The following EVI5 variants were observed in gnomAD, a reference collection of about 807,000 sequenced individuals.
The protein encoded by EVI5 is ecotropic viral integration site 5.
In EVI5, 73 loss-of-function variants were observed where a neutral mutation model predicts 112.0. The ratio of observed to expected loss-of-function variants is 0.65; its 90% CI spans 0.54 to 0.79. The LOEUF (loss-of-function observed/expected upper bound fraction) is 0.79, where lower values mean the gene tolerates loss of function less well. EVI5 is among the 30% of genes least tolerant of loss of function. The pLI is 0.00. For missense variants in EVI5, 900 were observed against 968.8 expected, an observed-to-expected ratio of 0.93 and a Z score of 0.94; for synonymous variants, 305 against 319.9, an observed-to-expected ratio of 0.95 and a Z score of 0.50.
Position 92,773,147 on chromosome 1 carries a change from A to G in EVI5, c.-82+11689T>C, listed in dbSNP as rs529388545. On this transcript the variant is annotated intron_variant, in intron 1 of 19. Coordinates refer to ENST00000684568, the MANE Select transcript of EVI5 (RefSeq NM_001350197.2). Reference sequence around the variant, plus strand: ...CTTGAACCCAGGAGGCAGAGGTTGCAGTGAGCCGAGATCGTGCCATTGCAC... The same window carrying G: ...CTTGAACCCAGGAGGCAGAGGTTGCGGTGAGCCGAGATCGTGCCATTGCAC... Among the ~76,000 whole-genome samples, 3 of 148,364 alleles carry G rather than the reference A, an allele frequency of 2.0e-5. No individual in the cohort carries two copies. The South Asian group carries it at 6.7e-4, about 33-fold the overall frequency.
intron 18 of EVI5, among the ~76,000 whole-genome samples, chr1:92,596,060 A>T (rs1021039859): frequency 3.3e-5 from 5 of 152,194 alleles, no homozygotes; most frequent in African/African-American, 1.2e-4. Context: ...TAAAATGAAG[A>T]TATTAACAAT....
chr1:92,620,083 G>A (rs761382815), intron 16 of EVI5, among the ~76,000 whole-genome samples: 6 of 152,108 alleles, frequency 3.9e-5, no homozygotes, highest in South Asian at 2.1e-4. Context: ...GCTGGCTCAC[G>A]CCTATAATCC....
At chr1:92,765,065 C>A (rs1002165047) in intron 1 of EVI5, among the ~76,000 whole-genome samples, 1 of 151,984 alleles carries the variant, frequency 6.6e-6, no homozygotes, top group Non-Finnish European at 1.5e-5. Context: ...TATAATCCTC[C>A]ATATTAACAT....
intron 18 of EVI5, among the ~76,000 whole-genome samples, chr1:92,574,669 T>G (rs567571766): frequency 1.3e-5 from 2 of 152,308 alleles, no homozygotes; most frequent in East Asian, 1.9e-4. Flanking sequence ...AGGCTCATTT[T>G]TAAAGAGAAG....
intron 14 of EVI5, among the ~76,000 whole-genome samples, chr1:92,633,724 G>A (rs556938517): frequency 0.013 from 1,930 of 152,284 alleles, 38 homozygotes; most frequent in African/African-American, 0.043. Flanking sequence ...TATGATGTTA[G>A]CTGATAACGA....
intron 13 of EVI5, among the ~76,000 whole-genome samples, chr1:92,658,577 C>T (rs527780584): frequency 1.3e-5 from 2 of 152,046 alleles, no homozygotes; most frequent in East Asian, 1.9e-4. Flanking sequence ...AAATAAATTG[C>T]GGATGACACC....
intron 10 of EVI5, among the ~76,000 whole-genome samples, chr1:92,668,839 G>C (rs890804363): frequency 3.3e-5 from 5 of 152,006 alleles, no homozygotes; most frequent in African/African-American, 1.2e-4. Context: ...GGTAATTATA[G>C]CTTTGCTATC....
At chr1:92,706,649 T>C (rs918417141) in intron 2 of EVI5, among the ~76,000 whole-genome samples, 1 of 152,184 alleles carries the variant, frequency 6.6e-6, no homozygotes, top group African/African-American at 2.4e-5. Context: ...ACTTCTAGGA[T>C]AGGCACAAAT....
At chr1:92,614,057 A>G (rs1384144561) in intron 16 of EVI5, among the ~76,000 whole-genome samples, 2 of 152,220 alleles carry the variant, frequency 1.3e-5, no homozygotes, top group Non-Finnish European at 2.9e-5. Flanking sequence ...TACTCTAAAA[A>G]TAAGGTATTA....
chr1:92,789,532 G>A (rs1348318898), upstream of EVI5, among the ~76,000 whole-genome samples: 4 of 152,104 alleles, frequency 2.6e-5, no homozygotes, highest in Non-Finnish European at 5.9e-5. Context: ...TCAATCTCCT[G>A]ACCTTGTGAT....
chr1:92,694,475 T>C, intron 7 of EVI5, 87 bp from the exon 8 acceptor site: 1 of 750,340 alleles, frequency 1.3e-6, no homozygotes, highest in South Asian at 1.7e-5. Flanking sequence ...AAGGTAAACA[T>C]TTAGGGATCT....
Position 92,695,307 on chromosome 1 carries a change from T to C in EVI5, c.909+3A>G, listed in dbSNP as rs546385083. ...CCTGCTCTTTGTCTGCCCATTAGCT[T>C]ACCTCAGACATAAAGATATCAAATA... On this transcript the variant is annotated splice_donor_region_variant and intron_variant, in intron 7 of 19. Transcript: ENST00000684568. The C allele has an allele frequency of 6.2e-7, 1 of 1,605,244 alleles. No individual in the cohort carries two copies. The highest frequency in any genetic ancestry group is 1.3e-5 in the African/African-American group (1 of 74,744).
intron 19 of EVI5, among the ~76,000 whole-genome samples, chr1:92,516,910 T>G (rs1659992370): frequency 6.6e-6 from 1 of 151,768 alleles, no homozygotes; most frequent in Non-Finnish European, 1.5e-5. Context: ...AAAAAATCCT[T>G]ATGGGTATTA....
chr1:92,787,950 G>A (rs577907442), upstream of EVI5, among the ~76,000 whole-genome samples: 14 of 146,544 alleles, frequency 9.6e-5, no homozygotes, highest in African/African-American at 3.3e-4. Flanking sequence ...GTGTCATACT[G>A]TTCCATTTAT....
At chr1:92,563,005 A>C (rs1159547219) in intron 19 of EVI5, among the ~76,000 whole-genome samples, 1 of 152,224 alleles carries the variant, frequency 6.6e-6, no homozygotes, top group Non-Finnish European at 1.5e-5. Context: ...ACAGAAAATA[A>C]TAAAGGATAA....
chr1:92,666,455 G>A (rs556412661), intron 10 of EVI5, among the ~76,000 whole-genome samples: 92 of 144,542 alleles, frequency 6.4e-4, no homozygotes, highest in Non-Finnish European at 1.1e-3. Flanking sequence ...GCTGAGGTGG[G>A]AGGCTGGGAG....
intron 13 of EVI5, among the ~76,000 whole-genome samples, chr1:92,662,386 A>G (rs571176282): frequency 6.6e-6 from 1 of 152,364 alleles, no homozygotes; most frequent in Admixed American, 6.5e-5. Context: ...ACTGTTAGCA[A>G]AATGATACCT....
rs1309796908 is a variant in EVI5 at position 92,605,480 on chromosome 1, A to G, written c.1975-78T>C. 4.2e-6 allele frequency: 4 copies of G among 951,692 alleles called. No homozygotes were observed. In the African/African-American group the frequency reaches 6.4e-5, roughly 15 times the overall value. The allele number at this position is 951,692 out of a possible 1,614,324, so 59.0% of individuals were successfully genotyped here. ...AGATTTTAGAAAAGTAATAGGTTGC[A>G]TAAACCATACGTTAAGTATTATCTA... On this transcript the variant is annotated intron_variant, in intron 17 of 19. Transcript: ENST00000684568.
chr1:92,674,991 C>T (rs1432537217), intron 10 of EVI5, among the ~76,000 whole-genome samples: 1 of 152,188 alleles, frequency 6.6e-6, no homozygotes, highest in African/African-American at 2.4e-5. Context: ...GAGCTAGATT[C>T]AAAAACATTT....
Sources: allele counts gnomAD v4.1 joint callset (sites outside exome capture counted in the v4.1 genomes callset), GRCh38; gene constraint gnomAD v4.1.1; transcripts MANE v1.5; gene names NCBI Gene and HGNC (gene_info 2026-07-23, HGNC 2026-07-21).